SUB1: variants seen among roughly 807,000 people sequenced by gnomAD.
The protein encoded by SUB1 is activated RNA polymerase II transcriptional coactivator p15.
A neutral mutation model predicts 16.9 loss-of-function variants in SUB1; 1 was observed. The ratio of observed to expected loss-of-function variants is 0.06; its 90% CI spans 0.02 to 0.28. The LOEUF (loss-of-function observed/expected upper bound fraction) is 0.28. SUB1 is among the 10% of genes least tolerant of loss of function. The pLI, the probability that SUB1 is intolerant of heterozygous loss-of-function variation, is 1.00. For missense variants in SUB1, 84 were observed against 145.2 expected, an observed-to-expected ratio of 0.58 and a Z score of 2.16; for synonymous variants, 51 against 46.9, an observed-to-expected ratio of 1.09 and a Z score of -0.36.
intron 3 of SUB1, 83 bp from the exon 4 acceptor site, chr5:32,598,878 C>T: frequency 2.9e-6 from 3 of 1,035,942 alleles, no homozygotes; most frequent in South Asian, 2.8e-5. Flanking sequence ...AGTGAGCATG[C>T]AGCAAGTTGT....
At chr5:32,590,715 C>T (rs1209622827) in intron 2 of SUB1, among the ~76,000 whole-genome samples, 1 of 144,926 alleles carries the variant, frequency 6.9e-6, no homozygotes. Context: ...CCTGCCTCAG[C>T]CTTCCGAGTA....
Position 32,602,182 on chromosome 5 carries a change from C to T in SUB1, c.*1098C>T, listed in dbSNP as rs1296383512. ...ACACTAGTAAGTGGTTTGTATTTAA[C>T]CATACTGATGAAGCAGACAGATTGA... On this transcript the variant is annotated 3_prime_UTR_variant, in exon 5 of 5. Coordinates refer to ENST00000265073, the MANE Select transcript of SUB1 (RefSeq NM_006713.4). 6 of 454,558 alleles carry T rather than the reference C, an allele frequency of 1.3e-5. 1 individual carries two copies. Among genetic ancestry groups the T allele is most frequent in the South Asian group, 9.3e-5 (6 of 64,344 alleles). 28.2% of individuals were successfully genotyped at this position (454,558 alleles called of 1,614,324 possible).
At chr5:32,600,896 C>T (rs192974506) in intron 4 of SUB1, 109 bp from the exon 5 acceptor site, 176 of 961,126 alleles carry the variant, frequency 1.8e-4, no homozygotes, top group Admixed American at 1.6e-3. Context: ...TGAGCCACCG[C>T]GCCCAGCCTA....
At chr5:32,591,466 CTT>C (rs1259984343) in intron 2 of SUB1, 95 bp from the exon 3 acceptor site, 1 of 1,422,654 alleles carries the variant, frequency 7.0e-7, no homozygotes, top group African/African-American at 1.5e-5. Flanking sequence ...TGGATGTAGT[CTT>C]TTGATTGTTT....
Position 32,601,094 on chromosome 5 carries a change from C to T in SUB1, c.*10C>T. ...AGTAAGAAAACTGTAAAATTCGAGC[C>T]ATATAAATAAAACCTGTACTGTTCT... On this transcript the variant is annotated 3_prime_UTR_variant, in exon 5 of 5. Transcript: ENST00000265073. 1 of 1,607,448 alleles carries T rather than the reference C, an allele frequency of 6.2e-7. No individual in the cohort carries two copies. The highest frequency in any genetic ancestry group is 1.1e-5 in the South Asian group (1 of 90,848).
chr5:32,594,657 T>A (rs1318197893), intron 3 of SUB1: 2 of 448,120 alleles, frequency 4.5e-6, no homozygotes, highest in Admixed American at 2.4e-5. Context: ...GAGCTCTGCC[T>A]CCTGTCAGAT....
At chr5:32,589,920 G>A (rs189368778) in intron 2 of SUB1, among the ~76,000 whole-genome samples, 2 of 152,090 alleles carry the variant, frequency 1.3e-5, no homozygotes, top group Admixed American at 1.3e-4. Flanking sequence ...ATGGGAGATT[G>A]GAGAAGTTGC....
chr5:32,595,077 T>C (rs978017602), intron 3 of SUB1: 3 of 152,808 alleles, frequency 2.0e-5, no homozygotes, highest in Non-Finnish European at 4.4e-5. Flanking sequence ...TTAAGTAATA[T>C]ATCCCTATAC....
In SUB1 at chr5:32,602,382, G is replaced by C. The variant is rs1739137087; in HGVS notation, c.*1298G>C. Reference sequence around the variant, plus strand: ...TTTTGAGATTTTTATAACAGCAGTGGAACACAATTCTAGGTAGAGTAGAAA... The same window carrying C: ...TTTTGAGATTTTTATAACAGCAGTGCAACACAATTCTAGGTAGAGTAGAAA... On this transcript the variant is annotated 3_prime_UTR_variant, in exon 5 of 5. Transcript: ENST00000265073. 1.1e-4 allele frequency: 33 copies of C among 311,792 alleles called. 1 individual carries two copies. Among genetic ancestry groups the C allele is most frequent in the South Asian group, 8.5e-4 (33 of 38,618 alleles). 19.3% of individuals were successfully genotyped at this position (311,792 alleles called of 1,614,324 possible).
At chr5:32,586,335 C>T (rs1207109529) in intron 1 of SUB1, 1 of 152,214 alleles carries the variant, frequency 6.6e-6, no homozygotes, top group Non-Finnish European at 1.5e-5. Flanking sequence ...GGTTCATTTT[C>T]ACCTCGTTTT....
rs1442777483 is a variant in SUB1 at position 32,602,100 on chromosome 5, TGCCCCAGTA to T, written c.*1018_*1026del. The T allele has an allele frequency of 2.7e-6, 1 of 367,576 alleles. No individual in the cohort carries two copies. The highest frequency in any genetic ancestry group is 2.1e-5 in the African/African-American group (1 of 47,154). 22.8% of individuals were successfully genotyped at this position (367,576 alleles called of 1,614,324 possible). ...GCACATGCTTGTGTATTTTGGCCTT[TGCCCCAGTA>T]GAACAGACCAATGGCATTCTAGACT... On this transcript the variant is annotated 3_prime_UTR_variant, in exon 5 of 5. Coordinates refer to ENST00000265073, the MANE Select transcript of SUB1 (RefSeq NM_006713.4).
intron 3 of SUB1, chr5:32,595,925 T>C (rs1738950739): frequency 6.6e-6 from 1 of 152,230 alleles, no homozygotes; most frequent in Admixed American, 6.5e-5. Context: ...TGTACATCTT[T>C]AGTGTGTTTA....
chr5:32,598,452 G>T (rs1206412229), intron 3 of SUB1: 1 of 152,422 alleles, frequency 6.6e-6, no homozygotes, highest in African/African-American at 2.4e-5. Flanking sequence ...TTTACACAAG[G>T]TGTTTTAAGC....
chr5:32,596,839 T>C (rs1738981119), intron 3 of SUB1: 1 of 152,226 alleles, frequency 6.6e-6, no homozygotes, highest in African/African-American at 2.4e-5. Flanking sequence ...AAGAGACACT[T>C]TGTTGAGGAA....
At chr5:32,596,107 G>T (rs956584397) in intron 3 of SUB1, 3 of 152,128 alleles carry the variant, frequency 2.0e-5, no homozygotes, top group African/African-American at 4.8e-5. Context: ...ATGAGTGGAG[G>T]TTAACAGAGA....
chr5:32,599,844 C>T (rs1433033816), intron 4 of SUB1, among the ~76,000 whole-genome samples: 1 of 151,972 alleles, frequency 6.6e-6, no homozygotes, highest in East Asian at 1.9e-4. Flanking sequence ...AATTTCATGG[C>T]CTTCCAGCAG....
intron 1 of SUB1, among the ~76,000 whole-genome samples, chr5:32,587,702 C>T (rs1274041712): frequency 4.0e-5 from 6 of 151,842 alleles, no homozygotes; most frequent in Non-Finnish European, 7.4e-5. Context: ...CCTCTGCCTC[C>T]GGTGTTGAAG....
intron 1 of SUB1, 38 bp from the exon 2 acceptor site, chr5:32,588,474 A>G: frequency 6.4e-7 from 1 of 1,570,086 alleles, no homozygotes; most frequent in Non-Finnish European, 8.7e-7. Context: ...GTAGTAGAGT[A>G]CCTTATTAAT....
chr5:32,597,236 A>G (rs960904148), intron 3 of SUB1: 1 of 152,202 alleles, frequency 6.6e-6, no homozygotes, highest in African/African-American at 2.4e-5. Flanking sequence ...CCATTAAACA[A>G]CAGTTCCCCT....
Sources: gnomAD v4.1 joint callset for allele counts (sites outside exome capture counted in the v4.1 genomes callset) on GRCh38, gnomAD v4.1.1 for gene constraint, MANE v1.5 for transcripts, NCBI Gene and HGNC (gene_info 2026-07-23, HGNC 2026-07-21) for gene names.